ZNF827: variants seen among roughly 807,000 people sequenced by gnomAD.
The protein encoded by ZNF827 is zinc finger protein 827.
In ZNF827, 13 loss-of-function variants were observed where a neutral mutation model predicts 102.4. That is an observed-to-expected ratio of 0.13 (90% CI 0.08 to 0.20). The LOEUF (loss-of-function observed/expected upper bound fraction) is 0.20. ZNF827 is among the 10% of genes least tolerant of loss of function. The pLI is 1.00. For missense variants in ZNF827, 1,103 were observed against 1,344.4 expected (o/e 0.82, Z 2.81); for synonymous variants, 523 against 536.2 (o/e 0.98, Z 0.34).
At chr4:145,912,837 A>T (rs1464912105) in intron 1 of ZNF827, among the ~76,000 whole-genome samples, 2 of 152,244 alleles carry the variant, frequency 1.3e-5, no homozygotes, top group African/African-American at 4.8e-5. Flanking sequence ...GTGAGACAAT[A>T]AATTTCTGTT....
chr4:145,770,328 AAATAAATAAATAAATAAAT>A (rs746361325), intron 11 of ZNF827, among the ~76,000 whole-genome samples: 129 of 146,450 alleles, frequency 8.8e-4, no homozygotes, highest in Non-Finnish European at 1.7e-3. Context: ...ATAAATAAAT[AAATAAATAAATAAATAAAT>A]AAAATAGATC....
At chr4:145,802,688 T>C (rs1005292361) in intron 8 of ZNF827, among the ~76,000 whole-genome samples, 3 of 152,250 alleles carry the variant, frequency 2.0e-5, no homozygotes, top group Non-Finnish European at 2.9e-5. Context: ...TTGGGCGCAG[T>C]GGCTCACGCC....
At chr4:145,871,959 C>A (rs1748726358) in intron 4 of ZNF827, among the ~76,000 whole-genome samples, 1 of 152,196 alleles carries the variant, frequency 6.6e-6, no homozygotes. Context: ...ACCACCTCCA[C>A]TTCTGGTCTC....
At chr4:145,837,494 C>G (rs1435819930) in intron 7 of ZNF827, among the ~76,000 whole-genome samples, 1 of 152,074 alleles carries the variant, frequency 6.6e-6, no homozygotes, top group Non-Finnish European at 1.5e-5. Context: ...AACTTGTCAT[C>G]CCTACTATTT....
At chr4:145,895,858 A>G (rs1253837515) in intron 2 of ZNF827, among the ~76,000 whole-genome samples, 1 of 152,218 alleles carries the variant, frequency 6.6e-6, no homozygotes, top group East Asian at 1.9e-4. Context: ...CCACTTCCTC[A>G]GAATGAACCA....
intron 8 of ZNF827, among the ~76,000 whole-genome samples, chr4:145,796,953 C>A (rs1346610743): frequency 6.6e-6 from 1 of 152,142 alleles, no homozygotes; most frequent in African/African-American, 2.4e-5. Flanking sequence ...CCTAACAACC[C>A]ATGTGGTAGG....
Position 145,786,064 on chromosome 4 carries a change from T to C in ZNF827, c.2384-6553A>G, listed in dbSNP as rs149454181. Among the ~76,000 whole-genome samples, 1,119 of 152,324 alleles carry C rather than the reference T, an allele frequency of 7.3e-3. 8 individuals carry two copies. The highest frequency in any genetic ancestry group is 0.025 in the African/African-American group (1,055 of 41,562). ...CTCTCTGAGGTAAACATGGTATTAC[T>C]GAAGAAAGTTCCCTTGAACCTTTCA... On this transcript the variant is annotated intron_variant, in intron 8 of 14. Coordinates refer to ENST00000508784, the MANE Select transcript of ZNF827 (RefSeq NM_001306215.2).
At chr4:145,867,623 T>C (rs1748319144) in intron 5 of ZNF827, among the ~76,000 whole-genome samples, 1 of 152,208 alleles carries the variant, frequency 6.6e-6, no homozygotes, top group Non-Finnish European at 1.5e-5. Flanking sequence ...AGCTACTCCT[T>C]GGGTCAAAAC....
chr4:145,915,927 T>C (rs1191326157), intron 1 of ZNF827, among the ~76,000 whole-genome samples: 1 of 152,260 alleles, frequency 6.6e-6, no homozygotes, highest in African/African-American at 2.4e-5. Context: ...ATGGGATAAC[T>C]GGTCCTGAGT....
chr4:145,902,551 T>C lies in ZNF827; in HGVS notation c.708A>G (p.Arg236=), dbSNP rs754163960. ...KSLTRTEETM[R]FESFSSPFSS... ...TAAAAGGGGAGGAAAAGGACTCAAA[T>C]CGCATGGTCTCCTCAGTCCTGGTGA... The change falls in exon 2 of 15, where the codon CGA becomes CGG. Residue 236 remains arginine (R), a synonymous_variant. Transcript: ENST00000508784. This position sits in a 1 kb window ranked among gnomAD's most constrained non-coding sequence, Gnocchi z 4.3. 1.9e-6 allele frequency: 3 copies of C among 1,614,088 alleles called. No individual in the cohort carries two copies. In the Admixed American group the frequency reaches 5.0e-5, roughly 27 times the overall value.
chr4:145,905,025 G>T (rs1751729884), intron 1 of ZNF827, among the ~76,000 whole-genome samples: 1 of 152,156 alleles, frequency 6.6e-6, no homozygotes, highest in Admixed American at 6.5e-5. Context: ...ACTCAATTAG[G>T]TGCATATTTT....
chr4:145,768,888 A>ATT (rs57777261), intron 11 of ZNF827, among the ~76,000 whole-genome samples: 1 of 12,552 alleles, frequency 8.0e-5, no homozygotes, highest in East Asian at 3.0e-3. Flanking sequence ...AAAAAAAAAA[A>ATT]AAATATATAT....
intron 4 of ZNF827, among the ~76,000 whole-genome samples, chr4:145,874,420 A>ATT (rs2126775390): frequency 6.6e-6 from 1 of 152,358 alleles, no homozygotes; most frequent in East Asian, 1.9e-4. Flanking sequence ...TTTGGGTCTC[A>ATT]ATAGAAGACG....
At chr4:145,865,432 T>C (rs986714750) in intron 5 of ZNF827, among the ~76,000 whole-genome samples, 2 of 152,202 alleles carry the variant, frequency 1.3e-5, no homozygotes, top group African/African-American at 4.8e-5. Context: ...ACAGTGCTTC[T>C]CAAACCTTAG....
In ZNF827 at chr4:145,870,382, T is replaced by C. The variant is rs1333060753; in HGVS notation, c.1844A>G (p.Tyr615Cys). Residue 615 changes from tyrosine (Y) to cysteine (C), a missense_variant, in exon 5 of 15, where the codon TAT becomes TGT. Physicochemically the swap from Tyr to Cys is radical, Grantham distance 194 (BLOSUM62 -2). Around this residue, in one of 5 missense-constraint regions of ZNF827, gnomAD observed 243 missense variants for 251.6 expected, o/e 0.97. Transcript: ENST00000508784. ...SLSTTLPRSSYVFSPESEVSA... is the reference protein window; with the variant it reads ...SLSTTLPRSSCVFSPESEVSA... ...CACTTCAGATTCCGGGCTGAACACATAGCTGGACCGAGGCAAAGTCGTGCT... is the reference window on the plus strand; with the variant it reads ...CACTTCAGATTCCGGGCTGAACACACAGCTGGACCGAGGCAAAGTCGTGCT... 4.3e-6 allele frequency: 7 copies of C among 1,614,010 alleles called. No individual in the cohort carries two copies. Among genetic ancestry groups the C allele is most frequent in the South Asian group, 1.1e-5 (1 of 91,082 alleles).
intron 1 of ZNF827, among the ~76,000 whole-genome samples, chr4:145,909,554 T>C (rs1752118517): frequency 6.6e-6 from 1 of 152,138 alleles, no homozygotes. Context: ...CTGTTGGAGG[T>C]CATGTTCCCC....
intron 5 of ZNF827, among the ~76,000 whole-genome samples, chr4:145,856,678 C>G (rs537686257): frequency 8.1e-6 from 1 of 123,126 alleles, no homozygotes; most frequent in South Asian, 2.7e-4. Context: ...CTCCAGTACA[C>G]ACATACACAC....
intron 2 of ZNF827, 89 bp from the exon 3 acceptor site, chr4:145,892,504 A>C: frequency 7.5e-7 from 1 of 1,329,406 alleles, no homozygotes; most frequent in Non-Finnish European, 1.0e-6. Context: ...CCATATAAAA[A>C]GCACTAAAAA....
intron 1 of ZNF827, among the ~76,000 whole-genome samples, chr4:145,934,227 G>A (rs1022477488): frequency 6.6e-6 from 1 of 152,074 alleles, no homozygotes; most frequent in African/African-American, 2.4e-5. Flanking sequence ...TTTGCTTAGG[G>A]TCACCTGCAG....
Sources: allele counts gnomAD v4.1 joint callset (sites outside exome capture counted in the v4.1 genomes callset), GRCh38; gene constraint gnomAD v4.1.1; regional missense constraint gnomAD v4.1.1; non-coding constraint Gnocchi (gnomAD v3.1); transcripts MANE v1.5; gene names NCBI Gene and HGNC (gene_info 2026-07-23, HGNC 2026-07-21).